LY86: variants seen among roughly 807,000 people sequenced by gnomAD.
LY86 encodes lymphocyte antigen 86.
In LY86, 20 loss-of-function variants were observed where a neutral mutation model predicts 17.3. The ratio of observed to expected loss-of-function variants is 1.15; its 90% CI spans 0.81 to 1.68. The LOEUF is 1.68. Ranked by LOEUF, LY86 falls within the 40% of genes most tolerant of loss-of-function variation. The pLI, the probability that LY86 is intolerant of heterozygous loss-of-function variation, is 0.00. For missense variants in LY86, 200 were observed against 191.9 expected (o/e 1.04, Z -0.25); for synonymous variants, 74 against 70.6 (o/e 1.05, Z -0.24).
rs766794901 is a variant in LY86 at position 6,588,798 on chromosome 6, G to T, written c.64G>T (p.Gly22Cys). The T allele has an allele frequency of 6.2e-7, 1 of 1,614,040 alleles. No homozygotes were observed. Among genetic ancestry groups the T allele is most frequent in the East Asian group, 2.2e-5 (1 of 44,894 alleles). The change falls in exon 1 of 5, where the codon GGC (glycine) becomes TGC (cysteine). Residue 22 changes from glycine (G) to cysteine (C), a missense_variant. Transcript: ENST00000230568. The stretch of plus-strand genomic sequence containing the variant: ...GATTTTTCCCAGCTGCAGTGGAGGC[G>T]GCGGTGGGAAAGCCTGGCCCACACA... ...TLIFPSCSGG[G>C]GGKAWPTHVV...
chr6:6,646,556 C>A (rs550182556), intron 3 of LY86, among the ~76,000 whole-genome samples: 2 of 152,140 alleles, frequency 1.3e-5, no homozygotes, highest in African/African-American at 4.8e-5. Flanking sequence ...AAAAATGCAC[C>A]CTTTCTGAAA....
intron 3 of LY86, among the ~76,000 whole-genome samples, chr6:6,644,650 CAA>C (rs113727027): frequency 2.7e-5 from 4 of 145,808 alleles, no homozygotes; most frequent in South Asian, 2.2e-4. Flanking sequence ...AGATCTGGGT[CAA>C]AAAAAAAAAG....
At chr6:6,605,127 A>G (rs1166431726) in intron 1 of LY86, among the ~76,000 whole-genome samples, 1 of 152,124 alleles carries the variant, frequency 6.6e-6, no homozygotes, top group Non-Finnish European at 1.5e-5. Context: ...TGAGATATAA[A>G]ATGGAATGAC....
chr6:6,608,887 A>G (rs1569572), intron 1 of LY86, among the ~76,000 whole-genome samples: 5,247 of 152,254 alleles, frequency 0.034, 309 homozygotes, highest in African/African-American at 0.12. Flanking sequence ...TCCGAAATCC[A>G]ATTTCCTGTC....
chr6:6,597,447 T>A (rs889047058), intron 1 of LY86, among the ~76,000 whole-genome samples: 1 of 152,148 alleles, frequency 6.6e-6, no homozygotes, highest in Admixed American at 6.5e-5. Context: ...GGGTTTTCAC[T>A]GAAATAAAAG....
chr6:6,630,263 G>A (rs757182669), intron 3 of LY86, among the ~76,000 whole-genome samples: 13 of 152,180 alleles, frequency 8.5e-5, no homozygotes, highest in Non-Finnish European at 5.9e-5. Flanking sequence ...AATATCCAGC[G>A]ATATTTGGAC....
chr6:6,609,075 C>T (rs908198211), intron 1 of LY86, among the ~76,000 whole-genome samples: 5 of 152,290 alleles, frequency 3.3e-5, no homozygotes, highest in South Asian at 2.1e-4. Context: ...CCAAGCCAAC[C>T]GCAGCTCTGC....
chr6:6,606,883 G>C (rs6913695), intron 1 of LY86, among the ~76,000 whole-genome samples: 5 of 152,258 alleles, frequency 3.3e-5, no homozygotes, highest in African/African-American at 1.2e-4. Context: ...ACAGTGCAAC[G>C]GCAGGCTGAA....
intron 1 of LY86, chr6:6,620,765 G>C (rs992146428): frequency 6.6e-6 from 1 of 152,256 alleles, no homozygotes; most frequent in Non-Finnish European, 1.5e-5. Flanking sequence ...CTTTGGAGCT[G>C]ATATTTGTTC....
intron 3 of LY86, among the ~76,000 whole-genome samples, chr6:6,639,991 G>A (rs554632567): frequency 7.2e-5 from 11 of 152,152 alleles, no homozygotes; most frequent in African/African-American, 1.2e-4. Flanking sequence ...CAGATAATGC[G>A]CTTGCTCACA....
intron 4 of LY86, among the ~76,000 whole-genome samples, 166 bp downstream of exon 4, chr6:6,649,843 A>T (rs5743652): frequency 0.02 from 3,029 of 152,258 alleles, 98 homozygotes; most frequent in African/African-American, 0.069. Flanking sequence ...TCTTAATAAA[A>T]CTGCTGCTTC....
intron 1 of LY86, among the ~76,000 whole-genome samples, chr6:6,609,441 G>A (rs1171629862): frequency 6.6e-6 from 1 of 152,190 alleles, no homozygotes; most frequent in African/African-American, 2.4e-5. Flanking sequence ...CTTTAGGAAG[G>A]AAGCCTGGGA....
intron 1 of LY86, among the ~76,000 whole-genome samples, chr6:6,614,880 G>A (rs543248223): frequency 3.2e-4 from 49 of 152,260 alleles, no homozygotes; most frequent in African/African-American, 1.1e-3. Flanking sequence ...GGGGAAACAT[G>A]GTGTCCTGTA....
At chr6:6,635,930 T>C (rs539286371) in intron 3 of LY86, among the ~76,000 whole-genome samples, 1 of 152,338 alleles carries the variant, frequency 6.6e-6, no homozygotes, top group Admixed American at 6.5e-5. Flanking sequence ...ATGGAAGCAT[T>C]TCCTGTCCCC....
chr6:6,592,335 G>T (rs891262801), intron 1 of LY86, among the ~76,000 whole-genome samples: 3 of 152,188 alleles, frequency 2.0e-5, no homozygotes, highest in Admixed American at 6.5e-5. Context: ...CACAGTCAGG[G>T]CCTTGGGTTT....
rs61606490 is a variant in LY86, at chr6:6,652,055, C to CA, written c.405+2404dup. On this transcript the variant is annotated intron_variant, in intron 4 of 4. Coordinates refer to ENST00000230568, the MANE Select transcript of LY86 (RefSeq NM_004271.4). Reference sequence around the variant, plus strand: ...TGTGCAACAGAGGAAGACTCCATCTCAAAAAAAAAAAAAAAAAAAAAAAAA... The same window carrying CA: ...TGTGCAACAGAGGAAGACTCCATCTCAAAAAAAAAAAAAAAAAAAAAAAAAA... Among the ~76,000 whole-genome samples the CA allele has an allele frequency of 8.0e-3, 476 of 59,174 alleles. 10 individuals are homozygous for CA. The highest frequency in any genetic ancestry group is 0.01 in the Non-Finnish European group (331 of 32,072). 38.8% of individuals were successfully genotyped at this position (59,174 alleles called of 152,430 possible).
At chr6:6,603,484 T>C (rs1321641407) in intron 1 of LY86, among the ~76,000 whole-genome samples, 3 of 149,780 alleles carry the variant, frequency 2.0e-5, no homozygotes, top group African/African-American at 7.4e-5. Context: ...ATGGATAAAA[T>C]ATGACAGAAA....
chr6:6,646,046 G>C (rs1310000920), intron 3 of LY86, among the ~76,000 whole-genome samples: 1 of 152,120 alleles, frequency 6.6e-6, no homozygotes, highest in Non-Finnish European at 1.5e-5. Flanking sequence ...TCATGTTCCA[G>C]TAGCTGAACC....
intron 3 of LY86, among the ~76,000 whole-genome samples, chr6:6,629,234 C>A (rs1761861088): frequency 6.6e-6 from 1 of 152,152 alleles, no homozygotes; most frequent in Non-Finnish European, 1.5e-5. Flanking sequence ...GTAAAATGAT[C>A]AGAAAAGTGA....
Sources: gnomAD v4.1 joint callset for allele counts (sites outside exome capture counted in the v4.1 genomes callset) on GRCh38, gnomAD v4.1.1 for gene constraint, MANE v1.5 for transcripts, NCBI Gene and HGNC (gene_info 2026-07-23, HGNC 2026-07-21) for gene names.